Variants in KIF18A observed in about 807,000 individuals in gnomAD.
KIF18A encodes the protein kinesin family member 18A, also known as kinesin-like protein KIF18A.
A neutral mutation model predicts 103.3 loss-of-function variants in KIF18A; 67 were observed. The ratio of observed to expected loss-of-function variants is 0.65; its 90% CI spans 0.53 to 0.79. KIF18A has a LOEUF of 0.79. Among genes scored for constraint, KIF18A ranks in the 30% least tolerant of loss-of-function variants. KIF18A has a pLI of 0.00. For missense variants in KIF18A, 1,032 were observed against 1,062.5 expected (o/e 0.97, Z 0.40); for synonymous variants, 367 against 355.5 (o/e 1.03, Z -0.36).
intron 1 of KIF18A, 127 bp from the exon 2 acceptor site, chr11:28,098,120 GA>G (rs1356148188): frequency 9.3e-6 from 5 of 536,374 alleles, no homozygotes; most frequent in Admixed American, 3.7e-5. Context: ...AACACTGGGG[GA>G]AAAATACATA....
chr11:28,108,125 T>G lies in KIF18A; in HGVS notation c.-108A>C, dbSNP rs1039892485. 1 of 152,464 alleles carries G rather than the reference T, an allele frequency of 6.6e-6. No individual in the cohort carries two copies. The highest frequency in any genetic ancestry group is 1.5e-5 in the Non-Finnish European group (1 of 68,244). The allele number at this position is 152,464 out of a possible 1,614,324, so 9.4% of individuals were successfully genotyped here. ...GGTTACCGCAACCACTTCACTTTAA[T>G]GTCCGCCTCCCAGCGCTTCAGACTC... On this transcript the variant is annotated 5_prime_UTR_variant, in exon 1 of 17. Transcript: ENST00000263181.
intron 15 of KIF18A, among the ~76,000 whole-genome samples, chr11:28,028,436 C>T (rs1173599360): frequency 1.3e-5 from 2 of 151,908 alleles, no homozygotes; most frequent in Non-Finnish European, 2.9e-5. Flanking sequence ...CTACTGGGTA[C>T]ATAACGAAAT....
intron 13 of KIF18A, among the ~76,000 whole-genome samples, chr11:28,058,524 G>A (rs1438391850): frequency 2.1e-5 from 3 of 145,920 alleles, no homozygotes; most frequent in Non-Finnish European, 4.5e-5. Flanking sequence ...AGCCAGGAGT[G>A]GTGGTGCATG....
chr11:28,085,684 C>T (rs182372432), intron 6 of KIF18A, among the ~76,000 whole-genome samples: 271 of 152,158 alleles, frequency 1.8e-3, no homozygotes, highest in African/African-American at 6.3e-3. Context: ...AATATCAGCG[C>T]GCCCAGCTGT....
chr11:28,071,811 G>A (rs541187042), intron 10 of KIF18A, among the ~76,000 whole-genome samples: 6 of 152,066 alleles, frequency 3.9e-5, no homozygotes, highest in South Asian at 2.1e-4. Flanking sequence ...CAGTTACTTC[G>A]TCTGAAAAAT....
At chr11:28,066,025 A>C (rs556354710) in intron 11 of KIF18A, among the ~76,000 whole-genome samples, 1 of 152,032 alleles carries the variant, frequency 6.6e-6, no homozygotes. Flanking sequence ...ATTTTTGCCA[A>C]CTATAAGGGG....
In KIF18A at chr11:28,083,183, C is replaced by T. The variant is rs748613494; in HGVS notation, c.1135G>A (p.Glu379Lys). ...HITQYVKICN[E>K]QKAEILLLKE... ...AACAGACATACCTCTGCCTTCTGCT[C>T]ATTACAGATCTTTACATATTGAGTT... The change falls in exon 8 of 17, where the codon GAG becomes AAG. Residue 379 changes from glutamate to lysine, a missense_variant. By Grantham distance (56) the Glu-to-Lys change is moderately conservative. Transcript: ENST00000263181. The T allele has an allele frequency of 2.5e-6, 4 of 1,573,958 alleles. No individual in the cohort carries two copies. Among genetic ancestry groups the T allele is most frequent in the South Asian group, 1.2e-5 (1 of 82,398 alleles).
intron 15 of KIF18A, among the ~76,000 whole-genome samples, chr11:28,029,551 T>C (rs1850368234): frequency 6.6e-6 from 1 of 152,122 alleles, no homozygotes; most frequent in South Asian, 2.1e-4. Context: ...GAGCTATCTA[T>C]GACAAACCCA....
At chr11:28,088,394 A>T (rs1213625652) in intron 6 of KIF18A, 130 bp downstream of exon 6, 1 of 726,406 alleles carries the variant, frequency 1.4e-6, no homozygotes, top group Non-Finnish European at 2.3e-6. Flanking sequence ...TGATCTATAT[A>T]TTAACATTAC....
intron 15 of KIF18A, among the ~76,000 whole-genome samples, chr11:28,027,039 G>A (rs975667751): frequency 1.9e-4 from 29 of 151,698 alleles, no homozygotes; most frequent in African/African-American, 5.1e-4. Flanking sequence ...GAGGGACAAG[G>A]ACAGATATTA....
intron 1 of KIF18A, among the ~76,000 whole-genome samples, chr11:28,103,667 G>T (rs1851471797): frequency 6.6e-6 from 1 of 151,752 alleles, no homozygotes; most frequent in South Asian, 2.1e-4. Flanking sequence ...ATATACCAAT[G>T]AATGAATTAA....
In KIF18A at chr11:28,069,315, G is replaced by A; in HGVS notation, c.1534C>T (p.Leu512Phe). ...CCCATTTCTTTTTCGACACGATGGA[G>A]CCAATTAGTATTCTCATCAAATTGC... ...LKQFDENTNW[L>F]HRVEKEMGLL... The change falls in exon 11 of 17, where the codon CTC becomes TTC. Residue 512 changes from leucine (L) to phenylalanine (F), a missense_variant. Physicochemically the swap from Leu to Phe is conservative, Grantham distance 22 (BLOSUM62 0). Coordinates refer to ENST00000263181, the MANE Select transcript of KIF18A (RefSeq NM_031217.4). The A allele has an allele frequency of 6.2e-7, 1 of 1,613,308 alleles. No individual in the cohort carries two copies. The highest frequency in any genetic ancestry group is 1.1e-5 in the South Asian group (1 of 91,058).
At chr11:28,097,361 C>T (rs2133565694) in intron 2 of KIF18A, 1 of 375,680 alleles carries the variant, frequency 2.7e-6, no homozygotes, top group East Asian at 5.1e-5. Context: ...GGTTTAATAA[C>T]ATAGGCAACT....
chr11:28,079,855 A>G (rs768196134), intron 9 of KIF18A, among the ~76,000 whole-genome samples: 20 of 152,176 alleles, frequency 1.3e-4, no homozygotes, highest in Non-Finnish European at 2.2e-4. Flanking sequence ...CAATGGGTCA[A>G]TTTGGAAAAC....
intron 13 of KIF18A, among the ~76,000 whole-genome samples, chr11:28,040,391 CCT>C (rs1015757799): frequency 6.6e-6 from 1 of 151,634 alleles, no homozygotes; most frequent in Non-Finnish European, 1.5e-5. Flanking sequence ...TGTAGTTTCC[CCT>C]GATTCAGCTT....
chr11:28,020,633 C>T lies in KIF18A; in HGVS notation c.*567G>A, dbSNP rs1850226104. On this transcript the variant is annotated 3_prime_UTR_variant, in exon 17 of 17. Coordinates refer to ENST00000263181, the MANE Select transcript of KIF18A (RefSeq NM_031217.4). Reference sequence around the variant, plus strand: ...AGAAAATGAAACACTTTAAAATCTACATCTTTAATATATCAAGTAGCAAGG... The same window carrying T: ...AGAAAATGAAACACTTTAAAATCTATATCTTTAATATATCAAGTAGCAAGG... 6.6e-6 allele frequency: 1 copy of T among 151,938 alleles called. No individual in the cohort carries two copies. The highest frequency in any genetic ancestry group is 6.6e-5 in the Admixed American group (1 of 15,258). 9.4% of individuals were successfully genotyped at this position (151,938 alleles called of 1,614,324 possible).
intron 1 of KIF18A, among the ~76,000 whole-genome samples, chr11:28,106,482 TC>T (rs1851506869): frequency 6.7e-6 from 1 of 149,214 alleles, no homozygotes; most frequent in Non-Finnish European, 1.5e-5. Flanking sequence ...AATAAAAGGT[TC>T]AACTGGAGGG....
intron 15 of KIF18A, among the ~76,000 whole-genome samples, chr11:28,033,355 T>TAG (rs1400833030): frequency 1.3e-5 from 2 of 151,444 alleles, no homozygotes; most frequent in Non-Finnish European, 1.5e-5. Flanking sequence ...ATGCCCCTAC[T>TAG]AGATACATGC....
chr11:28,036,070 CAGAG>C (rs1283173378), intron 14 of KIF18A, 143 bp downstream of exon 14: 1 of 572,604 alleles, frequency 1.7e-6, no homozygotes, highest in African/African-American at 1.9e-5. Context: ...AATTAATATT[CAGAG>C]AGAAAGATAA....
Sources: allele counts gnomAD v4.1 joint callset (sites outside exome capture counted in the v4.1 genomes callset), GRCh38; gene constraint gnomAD v4.1.1; transcripts MANE v1.5; gene names NCBI Gene and HGNC (gene_info 2026-07-23, HGNC 2026-07-21).